The following ASAP1 variants were observed in gnomAD, a reference collection of about 807,000 sequenced individuals.
ASAP1 encodes ArfGAP with SH3 domain, ankyrin repeat and PH domain 1.
A neutral mutation model predicts 145.2 loss-of-function variants in ASAP1; 43 were observed. The observed-to-expected ratio is 0.30, with a 90% confidence interval of 0.23 to 0.38. ASAP1 has a LOEUF of 0.38. Among genes scored for constraint, ASAP1 ranks in the 10% least tolerant of loss-of-function variants. The pLI is 1.00. For synonymous variants in ASAP1, 546 were observed against 515.5 expected (o/e 1.06, Z -0.80); for missense variants, 1,018 against 1,355.3 (o/e 0.75, Z 3.91).
At chr8:130,114,028 C>A (rs545070414) in intron 23 of ASAP1, among the ~76,000 whole-genome samples, 1 of 152,226 alleles carries the variant, frequency 6.6e-6, no homozygotes, top group East Asian at 1.9e-4. Context: ...GGCATCCACC[C>A]GTCTCACCCT....
chr8:130,127,983 A>G lies in ASAP1; in HGVS notation c.1325T>C (p.Ile442Thr), dbSNP rs745348643. ...CCCTGGGAGCCGCTGGACATCCTCA[A>G]TAATGGCTTTTGTCAGGTCTTCCAG... ...NSLEDLTKAIIEDVQRLPGND... is the reference protein window; with the variant it reads ...NSLEDLTKAITEDVQRLPGND... Residue 442 changes from isoleucine (I) to threonine (T), a missense_variant, in exon 16 of 30, where the codon ATT (isoleucine) becomes ACT (threonine). Transcript: ENST00000518721. 1.2e-6 allele frequency: 2 copies of G among 1,614,090 alleles called. No individual in the cohort carries two copies. Among genetic ancestry groups the G allele is most frequent in the Middle Eastern group, 1.7e-4 (1 of 6,060 alleles).
chr8:130,197,986 C>A (rs552687223), intron 5 of ASAP1, among the ~76,000 whole-genome samples: 1 of 152,232 alleles, frequency 6.6e-6, no homozygotes, highest in South Asian at 2.1e-4. Flanking sequence ...TGTATGTAAG[C>A]CCCTAATACA....
At chr8:130,277,239 C>T (rs933579224) in intron 3 of ASAP1, among the ~76,000 whole-genome samples, 1 of 152,092 alleles carries the variant, frequency 6.6e-6, no homozygotes, top group Non-Finnish European at 1.5e-5. Context: ...AAAGGGGAAC[C>T]AGTCTGCCCC....
chr8:130,222,837 G>C (rs572270646), intron 4 of ASAP1, among the ~76,000 whole-genome samples: 4 of 152,322 alleles, frequency 2.6e-5, no homozygotes, highest in African/African-American at 9.6e-5. Flanking sequence ...CTAAGAAGCA[G>C]TAGTGACAGG....
chr8:130,076,182 A>G (rs2097461913), intron 27 of ASAP1, among the ~76,000 whole-genome samples, 166 bp downstream of exon 27: 3 of 152,220 alleles, frequency 2.0e-5, no homozygotes, highest in Non-Finnish European at 4.4e-5. Flanking sequence ...GAGTTTATAA[A>G]TACCTTTCGT....
At chr8:130,262,031 C>T (rs769470359) in intron 3 of ASAP1, among the ~76,000 whole-genome samples, 20 of 152,000 alleles carry the variant, frequency 1.3e-4, no homozygotes, top group Admixed American at 2.0e-4. Flanking sequence ...ACTTTTTTCA[C>T]TTGCTAACAA....
At chr8:130,168,091 C>G (rs2097683701) in intron 10 of ASAP1, among the ~76,000 whole-genome samples, 2 of 151,982 alleles carry the variant, frequency 1.3e-5, no homozygotes, top group Non-Finnish European at 2.9e-5. Flanking sequence ...TAACTGTAAC[C>G]TGAACCATGT....
At chr8:130,127,635 A>C (rs2097577023) in intron 16 of ASAP1, among the ~76,000 whole-genome samples, 1 of 152,118 alleles carries the variant, frequency 6.6e-6, no homozygotes, top group Admixed American at 6.6e-5. Context: ...TGTGGACCCC[A>C]TGCCCCCTAC....
At chr8:130,147,483 G>C (rs1586440451) in intron 13 of ASAP1, among the ~76,000 whole-genome samples, 1 of 152,094 alleles carries the variant, frequency 6.6e-6, no homozygotes, top group African/African-American at 2.4e-5. Flanking sequence ...CTGGCTCCAG[G>C]GTTCCAGATG....
At chr8:130,096,264 G>A (rs1480722845) in intron 24 of ASAP1, among the ~76,000 whole-genome samples, 1 of 152,178 alleles carries the variant, frequency 6.6e-6, no homozygotes, top group African/African-American at 2.4e-5. Flanking sequence ...AGCATTAAAA[G>A]GGATCTTTTA....
intron 3 of ASAP1, among the ~76,000 whole-genome samples, chr8:130,279,086 G>C (rs1228599395): frequency 6.6e-6 from 1 of 152,088 alleles, no homozygotes; most frequent in Non-Finnish European, 1.5e-5. Flanking sequence ...ACAAATCCTG[G>C]TCCCTCTGCT....
intron 1 of ASAP1, among the ~76,000 whole-genome samples, chr8:130,406,682 C>G (rs1486066738): frequency 6.6e-6 from 1 of 152,004 alleles, no homozygotes; most frequent in Non-Finnish European, 1.5e-5. Flanking sequence ...GGGGTTTCAT[C>G]ATGTTGACCA....
intron 5 of ASAP1, among the ~76,000 whole-genome samples, chr8:130,204,722 T>A (rs1816093650): frequency 6.6e-6 from 1 of 152,168 alleles, no homozygotes; most frequent in Non-Finnish European, 1.5e-5. Flanking sequence ...TGCGTCTAAG[T>A]CTCTGAGTTG....
At chr8:130,107,745 C>T (rs1262469878) in intron 24 of ASAP1, among the ~76,000 whole-genome samples, 20 of 151,586 alleles carry the variant, frequency 1.3e-4, no homozygotes, top group African/African-American at 4.6e-4. Flanking sequence ...GATAGGGTTT[C>T]ACCATATTGG....
At chr8:130,117,109 T>C (rs751172653) in intron 20 of ASAP1, 114 bp from the exon 21 acceptor site, 35 of 637,976 alleles carry the variant, frequency 5.5e-5, no homozygotes, top group Non-Finnish European at 8.3e-5. Flanking sequence ...CTAATTATTA[T>C]AATAGAGAAA....
In ASAP1 at chr8:130,053,773, A is replaced by G. The variant is rs2097397884; in HGVS notation, c.*958T>C. ...GAGAGATGTGCATTCATAACACAAT[A>G]TGTCAATCCATACTCTTGAGAAAGC... On this transcript the variant is annotated 3_prime_UTR_variant, in exon 30 of 30. Coordinates refer to ENST00000518721, the MANE Select transcript of ASAP1 (RefSeq NM_018482.4). 1 of 152,240 alleles carries G rather than the reference A, an allele frequency of 6.6e-6. No homozygotes were observed. The highest frequency in any genetic ancestry group is 2.1e-4 in the South Asian group (1 of 4,834). The allele number at this position is 152,240 out of a possible 1,614,324, so 9.4% of individuals were successfully genotyped here.
intron 2 of ASAP1, among the ~76,000 whole-genome samples, chr8:130,392,861 C>T (rs1348769257): frequency 6.6e-6 from 1 of 152,124 alleles, no homozygotes; most frequent in Non-Finnish European, 1.5e-5. Context: ...AGAGTGAGAA[C>T]TCATTCATGA....
At chr8:130,267,121 AAC>A (rs1355790175) in intron 3 of ASAP1, among the ~76,000 whole-genome samples, 1 of 112,692 alleles carries the variant, frequency 8.9e-6, no homozygotes, top group Non-Finnish European at 2.1e-5. Context: ...CAAACAAACA[AAC>A]AAAAAAAAAA....
At chr8:130,256,977 G>A (rs1332938211) in intron 3 of ASAP1, among the ~76,000 whole-genome samples, 1 of 151,324 alleles carries the variant, frequency 6.6e-6, no homozygotes, top group Non-Finnish European at 1.5e-5. Flanking sequence ...AGTGCTAAAG[G>A]TGGTAAAGAA....
Sources: allele counts gnomAD v4.1 joint callset (sites outside exome capture counted in the v4.1 genomes callset), GRCh38; gene constraint gnomAD v4.1.1; transcripts MANE v1.5; gene names NCBI Gene and HGNC (gene_info 2026-07-23, HGNC 2026-07-21).